The following SLCO3A1 variants were observed in gnomAD, a reference collection of about 807,000 sequenced individuals.
SLCO3A1 encodes the protein PGE1 transporter.
Under a neutral mutation model 63.1 loss-of-function variants are expected in SLCO3A1, and 27 were observed. The observed-to-expected ratio is 0.43, with a 90% confidence interval of 0.32 to 0.59. SLCO3A1 has a LOEUF of 0.59. Ranked by LOEUF, SLCO3A1 falls within the 20% of genes least tolerant of loss-of-function variation. The probability of loss-of-function intolerance (pLI) is 0.09; values close to 1 mark genes in which losing one functional copy is unlikely to be tolerated. For missense variants in SLCO3A1, 773 were observed against 945.8 expected, an observed-to-expected ratio of 0.82 and a Z score of 2.40; for synonymous variants, 473 against 409.9, an observed-to-expected ratio of 1.15 and a Z score of -1.86.
intron 2 of SLCO3A1, among the ~76,000 whole-genome samples, chr15:92,092,603 C>G (rs2047490346): frequency 6.6e-6 from 1 of 152,092 alleles, no homozygotes; most frequent in Admixed American, 6.5e-5. Context: ...AGGAATCTCT[C>G]TGGTCTAGTG....
At position 92,163,522 on chromosome 15, in the gene SLCO3A1, T is replaced by C; in HGVS notation, c.*387T>C. ...ACATACACATACAAAACAGAAAACA[T>C]TTTTTAAAAGAAGTTTCCTAAAATA... On this transcript the variant is annotated 3_prime_UTR_variant, in exon 10 of 10. Coordinates refer to ENST00000318445, the MANE Select transcript of SLCO3A1 (RefSeq NM_013272.4). 3.0e-6 allele frequency: 3 copies of C among 985,052 alleles called. No individual in the cohort carries two copies. Among genetic ancestry groups the C allele is most frequent in the South Asian group, 4.7e-5 (1 of 21,152 alleles). 61.0% of individuals were successfully genotyped at this position (985,052 alleles called of 1,614,324 possible). A position where few individuals can be genotyped will look rare whatever the true frequency, so the allele number is the denominator to read the frequency against.
rs1171600346 is a variant in SLCO3A1 at position 91,859,639 on chromosome 15, T to C, written c.180+5551T>C. Among the ~76,000 whole-genome samples, 1 of 152,200 alleles carries C rather than the reference T, an allele frequency of 6.6e-6. No individual in the cohort carries two copies. Among genetic ancestry groups the C allele is most frequent in the Non-Finnish European group, 1.5e-5 (1 of 68,030 alleles). On this transcript the variant is annotated intron_variant, in intron 1 of 9. Coordinates refer to ENST00000318445, the MANE Select transcript of SLCO3A1 (RefSeq NM_013272.4). This position sits in a 1 kb window ranked among gnomAD's most constrained non-coding sequence, Gnocchi z 5.1. The stretch of plus-strand genomic sequence containing the variant: ...CTGTGACCTTGAGCTGTTTACTTAA[T>C]CTCTGTGTACCTCAATTTTTCATTT...
intron 3 of SLCO3A1, among the ~76,000 whole-genome samples, chr15:92,102,773 G>T (rs1434928280): frequency 1.3e-5 from 2 of 152,200 alleles, no homozygotes; most frequent in Non-Finnish European, 2.9e-5. Flanking sequence ...CAAAGAGCAG[G>T]AATTGATCAT....
intron 7 of SLCO3A1, among the ~76,000 whole-genome samples, chr15:92,142,248 TG>T: frequency 6.6e-6 from 1 of 152,364 alleles, no homozygotes; most frequent in East Asian, 1.9e-4. Context: ...CTATTCAGCA[TG>T]GGGCTACCTT....
chr15:92,169,153 C>G (rs2151609029), downstream of SLCO3A1, among the ~76,000 whole-genome samples: 1 of 152,338 alleles, frequency 6.6e-6, no homozygotes, highest in East Asian at 1.9e-4. Context: ...TAATCTCAAC[C>G]ATAACCCTGT....
At chr15:91,906,969 C>A (rs1165298580) in intron 1 of SLCO3A1, among the ~76,000 whole-genome samples, 2 of 151,108 alleles carry the variant, frequency 1.3e-5, no homozygotes, top group Admixed American at 6.6e-5. Flanking sequence ...ATGTTACATA[C>A]CCTCAGAATG....
At position 91,856,546 on chromosome 15, in the gene SLCO3A1, T is replaced by C. The variant is rs1160340711; in HGVS notation, c.180+2458T>C. Among the ~76,000 whole-genome samples the C allele has an allele frequency of 1.3e-5, 2 of 152,240 alleles. No homozygotes were observed. Among genetic ancestry groups the C allele is most frequent in the Non-Finnish European group, 2.9e-5 (2 of 68,050 alleles). ...CCATGCGAGACTTCTCTGTGGATAA[T>C]TGGAGAATGAAATATTGCAGGCTGT... On this transcript the variant is annotated intron_variant, in intron 1 of 9. Coordinates refer to ENST00000318445, the MANE Select transcript of SLCO3A1 (RefSeq NM_013272.4). This position sits in a 1 kb window ranked among gnomAD's most constrained non-coding sequence, Gnocchi z 4.9.
chr15:91,924,241 C>T (rs558195409), intron 2 of SLCO3A1, among the ~76,000 whole-genome samples: 13 of 152,250 alleles, frequency 8.5e-5, no homozygotes, highest in Admixed American at 1.3e-4. Flanking sequence ...GTCCTTGCCT[C>T]GTCCTTCACC....
At chr15:92,110,041 C>T (rs1400982579) in intron 4 of SLCO3A1, among the ~76,000 whole-genome samples, 2 of 152,170 alleles carry the variant, frequency 1.3e-5, no homozygotes, top group Non-Finnish European at 2.9e-5. Context: ...GGCTGGGGCC[C>T]GTGTAACAAA....
chr15:92,068,210 T>C (rs1303253586), intron 2 of SLCO3A1, among the ~76,000 whole-genome samples: 1 of 152,194 alleles, frequency 6.6e-6, no homozygotes, highest in East Asian at 1.9e-4. Flanking sequence ...ATTTGTGTCT[T>C]TCATAATTAG....
intron 1 of SLCO3A1, among the ~76,000 whole-genome samples, chr15:91,861,106 G>A (rs1301151118): frequency 6.6e-6 from 1 of 152,212 alleles, no homozygotes; most frequent in East Asian, 1.9e-4. Context: ...TTTTAGGTGA[G>A]TTTTTAGATT....
At chr15:92,113,981 T>A (rs895957202) in intron 4 of SLCO3A1, among the ~76,000 whole-genome samples, 1 of 152,146 alleles carries the variant, frequency 6.6e-6, no homozygotes, top group African/African-American at 2.4e-5. Flanking sequence ...CAAGCATCTG[T>A]AGGTTTTCAA....
downstream of SLCO3A1, among the ~76,000 whole-genome samples, chr15:92,169,414 G>A (rs930867097): frequency 7.2e-5 from 11 of 152,186 alleles, no homozygotes; most frequent in African/African-American, 2.2e-4. Flanking sequence ...ACCCTGGCCC[G>A]AGTGGACTGT....
At chr15:91,951,530 T>C (rs1182236948) in intron 2 of SLCO3A1, among the ~76,000 whole-genome samples, 2 of 151,824 alleles carry the variant, frequency 1.3e-5, no homozygotes, top group Admixed American at 1.3e-4. Context: ...GTGTATAATT[T>C]TCTTTGTTTT....
chr15:92,128,214 A>G, intron 6 of SLCO3A1, 137 bp from the exon 7 acceptor site: 1 of 1,050,940 alleles, frequency 9.5e-7, no homozygotes, highest in East Asian at 2.4e-5. Context: ...AGGAAAAGGG[A>G]AGGGAGAACC....
chr15:91,877,795 A>G (rs1897437783), intron 1 of SLCO3A1, among the ~76,000 whole-genome samples: 4 of 152,124 alleles, frequency 2.6e-5, no homozygotes, highest in Admixed American at 2.0e-4. Flanking sequence ...GCGTTTTAGG[A>G]AGCTAGTAGC....
At chr15:92,005,044 C>A (rs1275150434) in intron 2 of SLCO3A1, among the ~76,000 whole-genome samples, 3 of 152,158 alleles carry the variant, frequency 2.0e-5, no homozygotes, top group Non-Finnish European at 4.4e-5. Flanking sequence ...TACTAAAAAG[C>A]AGAGCAGTGG....
chr15:92,136,688 A>G (rs1025449711), intron 7 of SLCO3A1, among the ~76,000 whole-genome samples: 2 of 152,198 alleles, frequency 1.3e-5, no homozygotes, highest in African/African-American at 4.8e-5. Flanking sequence ...AAAAGCCAAA[A>G]AGTATAAAAA....
chr15:91,892,637 A>C (rs540189993), intron 1 of SLCO3A1, among the ~76,000 whole-genome samples: 1 of 152,330 alleles, frequency 6.6e-6, no homozygotes, highest in Admixed American at 6.5e-5. Context: ...GACTGTGCCA[A>C]GCAAGCTCCT....
Sources: allele counts gnomAD v4.1 joint callset (sites outside exome capture counted in the v4.1 genomes callset), GRCh38; gene constraint gnomAD v4.1.1; non-coding constraint Gnocchi (gnomAD v3.1); transcripts MANE v1.5; gene names NCBI Gene and HGNC (gene_info 2026-07-23, HGNC 2026-07-21).